Variants in GNAT3 observed in about 807,000 individuals in gnomAD.
The protein encoded by GNAT3 is guanine nucleotide-binding protein G(t) subunit alpha-3.
GNAT3 carries 31 observed loss-of-function variants against 37.7 expected under a neutral mutation model. That is an observed-to-expected ratio of 0.82 (90% CI 0.62 to 1.11). The LOEUF is 1.11. Among genes scored for constraint, GNAT3 ranks in the 50% most tolerant of loss-of-function variants. The pLI is 0.00. For missense variants in GNAT3, 437 were observed against 412.5 expected (o/e 1.06, Z -0.51); for synonymous variants, 138 against 139.8 (o/e 0.99, Z 0.09).
At chr7:80,492,040 T>C (rs1364634456) in intron 2 of GNAT3, among the ~76,000 whole-genome samples, 2 of 152,026 alleles carry the variant, frequency 1.3e-5, no homozygotes, top group African/African-American at 4.8e-5. Flanking sequence ...GAGATTAAAA[T>C]GTTCATGCAC....
chr7:80,501,471 A>G (rs758783159), intron 1 of GNAT3, among the ~76,000 whole-genome samples: 4 of 152,044 alleles, frequency 2.6e-5, no homozygotes, highest in Non-Finnish European at 4.4e-5. Flanking sequence ...TGCATGCTTA[A>G]GAAAATTTAT....
intron 1 of GNAT3, among the ~76,000 whole-genome samples, chr7:80,501,713 TTTTC>T (rs1477768841): frequency 6.6e-6 from 1 of 151,942 alleles, no homozygotes; most frequent in Non-Finnish European, 1.5e-5. Flanking sequence ...TCTAAGACAA[TTTTC>T]TAAATATATT....
intron 1 of GNAT3, among the ~76,000 whole-genome samples, chr7:80,501,172 AC>A (rs1790826051): frequency 6.6e-6 from 1 of 152,120 alleles, no homozygotes; most frequent in African/African-American, 2.4e-5. Context: ...TGCCAAAAAA[AC>A]ACATTGTTTA....
intron 1 of GNAT3, among the ~76,000 whole-genome samples, chr7:80,507,309 T>A (rs565740390): frequency 1.6e-4 from 24 of 151,924 alleles, no homozygotes; most frequent in Admixed American, 7.9e-4. Flanking sequence ...TCTCTCCCAC[T>A]CATATCTAGG....
chr7:80,505,160 G>A (rs542254895), intron 1 of GNAT3, among the ~76,000 whole-genome samples: 62 of 152,142 alleles, frequency 4.1e-4, no homozygotes, highest in Non-Finnish European at 7.1e-4. Context: ...GAACTCTGAG[G>A]GATTATCCAG....
At chr7:80,467,415 C>T (rs1020263265) in intron 5 of GNAT3, among the ~76,000 whole-genome samples, 5 of 152,100 alleles carry the variant, frequency 3.3e-5, no homozygotes, top group East Asian at 1.9e-4. Context: ...AACTGAAATG[C>T]TCATTAGCAA....
At chr7:80,500,993 G>C (rs759063234) in intron 1 of GNAT3, among the ~76,000 whole-genome samples, 2 of 151,930 alleles carry the variant, frequency 1.3e-5, no homozygotes, top group Non-Finnish European at 2.9e-5. Context: ...TGATTGACCT[G>C]CCATTGTCTT....
At chr7:80,487,721 C>G (rs1312943339) in intron 3 of GNAT3, 1 of 152,110 alleles carries the variant, frequency 6.6e-6, no homozygotes, top group Non-Finnish European at 1.5e-5. Flanking sequence ...AGGCATTCAA[C>G]TGGCATCCTC....
intron 1 of GNAT3, among the ~76,000 whole-genome samples, chr7:80,504,590 C>T (rs183602926): frequency 6.6e-6 from 1 of 152,184 alleles, no homozygotes; most frequent in East Asian, 1.9e-4. Context: ...AGAGAAACAT[C>T]TGTATTTGCC....
At chr7:80,460,806 T>C (rs991062583) in intron 7 of GNAT3, among the ~76,000 whole-genome samples, 2 of 151,948 alleles carry the variant, frequency 1.3e-5, no homozygotes, top group African/African-American at 4.8e-5. Context: ...TATCAATTCA[T>C]CAATATAATT....
At chr7:80,498,984 A>G (rs891925767) in intron 1 of GNAT3, among the ~76,000 whole-genome samples, 3 of 152,314 alleles carry the variant, frequency 2.0e-5, no homozygotes, top group East Asian at 1.9e-4. Context: ...CTGAACTTCA[A>G]TTGAACACAC....
chr7:80,461,507 G>A (rs1335287150), intron 7 of GNAT3, among the ~76,000 whole-genome samples: 4 of 152,106 alleles, frequency 2.6e-5, no homozygotes, highest in South Asian at 4.2e-4. Context: ...GCGACAGAGC[G>A]AGACTCCATC....
intron 1 of GNAT3, among the ~76,000 whole-genome samples, 192 bp from the exon 2 acceptor site, chr7:80,494,839 T>C (rs1459901623): frequency 1.3e-5 from 2 of 152,142 alleles, no homozygotes; most frequent in Non-Finnish European, 2.9e-5. Flanking sequence ...CTGAATAGTG[T>C]GCATTGTACC....
chr7:80,508,331 A>G (rs1045206273), intron 1 of GNAT3, among the ~76,000 whole-genome samples: 1 of 152,104 alleles, frequency 6.6e-6, no homozygotes, highest in Non-Finnish European at 1.5e-5. Flanking sequence ...TTGATGTAAT[A>G]AGCATAAAGA....
At chr7:80,479,776 G>A (rs1033555364) in intron 3 of GNAT3, among the ~76,000 whole-genome samples, 3 of 145,926 alleles carry the variant, frequency 2.1e-5, no homozygotes, top group Non-Finnish European at 3.0e-5. Context: ...AAATTGTATT[G>A]TTTCAAAAAA....
intron 5 of GNAT3, among the ~76,000 whole-genome samples, chr7:80,465,539 C>T (rs1373410841): frequency 1.3e-5 from 2 of 152,064 alleles, no homozygotes; most frequent in Admixed American, 6.6e-5. Flanking sequence ...GCTGGCACCA[C>T]GATAGGTTCG....
chr7:80,508,452 G>A (rs1042678609), intron 1 of GNAT3, among the ~76,000 whole-genome samples: 6 of 151,898 alleles, frequency 4.0e-5, no homozygotes, highest in Non-Finnish European at 7.4e-5. Context: ...ACTTTAAAAC[G>A]TACTTAGATA....
chr7:80,506,418 TAC>T (rs1264395466), intron 1 of GNAT3, among the ~76,000 whole-genome samples: 1 of 152,196 alleles, frequency 6.6e-6, no homozygotes, highest in African/African-American at 2.4e-5. Context: ...CAGTCAAATA[TAC>T]ACAAATTATT....
At chr7:80,491,803 G>A (rs977194600) in intron 2 of GNAT3, among the ~76,000 whole-genome samples, 3 of 152,060 alleles carry the variant, frequency 2.0e-5, no homozygotes, top group Admixed American at 6.6e-5. Context: ...AGCTAATTTT[G>A]ATTATTTTCT....
Sources: gnomAD v4.1 joint callset for allele counts (sites outside exome capture counted in the v4.1 genomes callset) on GRCh38, gnomAD v4.1.1 for gene constraint, MANE v1.5 for transcripts, NCBI Gene and HGNC (gene_info 2026-07-23, HGNC 2026-07-21) for gene names.